MAGI1: variants seen among roughly 807,000 people sequenced by gnomAD.
MAGI1 encodes the protein membrane-associated guanylate kinase, WW and PDZ domain-containing protein 1.
A neutral mutation model predicts 139.9 loss-of-function variants in MAGI1; 58 were observed. That is an observed-to-expected ratio of 0.41 (90% CI 0.34 to 0.52). The LOEUF (loss-of-function observed/expected upper bound fraction) is 0.52. Ranked by LOEUF, MAGI1 falls within the 20% of genes least tolerant of loss-of-function variation. The pLI, the probability that MAGI1 is intolerant of heterozygous loss-of-function variation, is 0.12. For missense variants in MAGI1, 1,874 were observed against 1,901.6 expected, an observed-to-expected ratio of 0.99 and a Z score of 0.27; for synonymous variants, 812 against 737.9, an observed-to-expected ratio of 1.10 and a Z score of -1.63.
At position 65,445,827 on chromosome 3, in the gene MAGI1, C is replaced by T. The variant is rs567316858; in HGVS notation, c.1078+2195G>A. On this transcript the variant is annotated intron_variant, in intron 7 of 22. Coordinates refer to ENST00000402939, the MANE Select transcript of MAGI1 (RefSeq NM_001033057.2). ...GTCCAATACCCAAGCCAACTGCCCA[C>T]GCCTCTCAGAGGCCGATTACAAAGA... Among the ~76,000 whole-genome samples, 7 of 152,314 alleles carry T rather than the reference C, an allele frequency of 4.6e-5. No individual in the cohort carries two copies. In the South Asian group the frequency reaches 1.5e-3, roughly 32 times the overall value.
At chr3:65,767,196 T>G (rs2037557429) in intron 1 of MAGI1, among the ~76,000 whole-genome samples, 1 of 152,160 alleles carries the variant, frequency 6.6e-6, no homozygotes, top group South Asian at 2.1e-4. Flanking sequence ...CACATTTAAC[T>G]TACCTGCCTG....
In MAGI1 at chr3:65,696,197, G is replaced by A. The variant is rs1427207612; in HGVS notation, c.314-74109C>T. Among the ~76,000 whole-genome samples, 5 of 151,976 alleles carry A rather than the reference G, an allele frequency of 3.3e-5. No individual in the cohort carries two copies. In the South Asian group the frequency reaches 6.2e-4, roughly 19 times the overall value. On this transcript the variant is annotated intron_variant, in intron 1 of 22. Coordinates refer to ENST00000402939, the MANE Select transcript of MAGI1 (RefSeq NM_001033057.2). Reference sequence around the variant, plus strand: ...ATCCCCCTTCCCTAACTTTCTGCAGGTACCTATTCAACTCACCTTATCAAG... The same window carrying A: ...ATCCCCCTTCCCTAACTTTCTGCAGATACCTATTCAACTCACCTTATCAAG...
chr3:65,507,966 C>A (rs1050958071), intron 2 of MAGI1, among the ~76,000 whole-genome samples: 1 of 151,912 alleles, frequency 6.6e-6, no homozygotes, highest in Non-Finnish European at 1.5e-5. Flanking sequence ...TTGGAAAATG[C>A]AGACAGTGAG....
chr3:65,595,477 G>A (rs2082147788), intron 2 of MAGI1, among the ~76,000 whole-genome samples: 1 of 152,104 alleles, frequency 6.6e-6, no homozygotes, highest in Non-Finnish European at 1.5e-5. Context: ...CTCACAAATT[G>A]CCTCTTCTGG....
intron 1 of MAGI1, among the ~76,000 whole-genome samples, chr3:65,906,139 C>T (rs1054805563): frequency 6.6e-6 from 1 of 152,140 alleles, no homozygotes; most frequent in African/African-American, 2.4e-5. Context: ...TATGAAGGCA[C>T]ATCTTGAAAA....
intron 1 of MAGI1, among the ~76,000 whole-genome samples, chr3:65,693,438 T>G (rs903494482): frequency 3.3e-5 from 5 of 152,178 alleles, no homozygotes; most frequent in Non-Finnish European, 7.3e-5. Context: ...CCAAGGCACC[T>G]GGACCATAAA....
At chr3:65,773,056 A>G (rs2038083803) in intron 1 of MAGI1, among the ~76,000 whole-genome samples, 1 of 152,190 alleles carries the variant, frequency 6.6e-6, no homozygotes. Context: ...GTAAATGGCA[A>G]AAAAACTCTA....
Position 65,444,636 on chromosome 3 carries a change from C to T in MAGI1, c.1079-1787G>A, listed in dbSNP as rs74952586. ...GTGTTAGGCACCAGGGACACAAAGA[C>T]AAACGCAAGTGCATCATCTAAGCAG... is the stretch of plus-strand genomic sequence containing the variant. On this transcript the variant is annotated intron_variant, in intron 7 of 22. Coordinates refer to ENST00000402939, the MANE Select transcript of MAGI1 (RefSeq NM_001033057.2). 9.1e-3 allele frequency among the ~76,000 whole-genome samples: 1,387 copies of T among 152,202 alleles called. 17 individuals carry two copies. The highest frequency in any genetic ancestry group is 0.03 in the African/African-American group (1,254 of 41,538).
At chr3:65,789,316 C>A (rs966342279) in intron 1 of MAGI1, among the ~76,000 whole-genome samples, 2 of 152,104 alleles carry the variant, frequency 1.3e-5, no homozygotes, top group Non-Finnish European at 2.9e-5. Flanking sequence ...CCCACCACTC[C>A]CAAAGGATGC....
At chr3:65,825,696 T>C (rs115960213) in intron 1 of MAGI1, among the ~76,000 whole-genome samples, 2,327 of 152,282 alleles carry the variant, frequency 0.015, 63 homozygotes, top group African/African-American at 0.049. Flanking sequence ...GTTAAAAATA[T>C]AGATAATTTT....
Position 65,356,809 on chromosome 3 carries a change from T to A in MAGI1, c.3958A>T (p.Arg1320Trp), listed in dbSNP as rs1002151775. Residue 1320 changes from arginine to tryptophan, a missense_variant, in exon 23 of 23, where the codon AGG becomes TGG. By Grantham distance (101) the Arg-to-Trp change is moderately radical (BLOSUM62 -3). Around this residue, in one of 5 missense-constraint regions of MAGI1, gnomAD observed 653 missense variants for 644.5 expected, o/e 1.01. Coordinates refer to ENST00000402939, the MANE Select transcript of MAGI1 (RefSeq NM_001033057.2). ...ERAAAANGPK[R>W]RSPEKRREGT... is the part of the protein sequence containing the mutation. ...TCCCTCCGCTTCTCTGGGGACCGCC[T>A]CTTGGGGCCGTTGGCGGCTGCCGCG... 1 of 1,611,770 alleles carries A rather than the reference T, an allele frequency of 6.2e-7. No homozygotes were observed. The highest frequency in any genetic ancestry group is 8.5e-7 in the Non-Finnish European group (1 of 1,178,538).
Position 65,470,459 on chromosome 3 carries a change from G to A in MAGI1, c.783C>T (p.His261=), listed in dbSNP as rs764628695. Residue 261 remains histidine, a synonymous_variant, in exon 5 of 23, where the codon CAC becomes CAT. Coordinates refer to ENST00000402939, the MANE Select transcript of MAGI1 (RefSeq NM_001033057.2). ...GTGGTAATGCTGTTTCTTGGAGAGT[G>A]TGCTCCTCTTGTTCACCAGAATCGG... The part of the protein sequence containing the change: ...FTADSGEQEE[H]TLQETALPPV... 6.2e-7 allele frequency: 1 copy of A among 1,612,992 alleles called. No individual in the cohort carries two copies. Among genetic ancestry groups the A allele is most frequent in the Non-Finnish European group, 8.5e-7 (1 of 1,179,682 alleles).
intron 2 of MAGI1, among the ~76,000 whole-genome samples, chr3:65,605,072 C>T (rs564413575): frequency 4.6e-5 from 7 of 152,290 alleles, no homozygotes; most frequent in South Asian, 2.1e-4. Flanking sequence ...AACCATTCTA[C>T]GACAGCTCTA....
chr3:65,951,796 T>C (rs1560048183), intron 1 of MAGI1, among the ~76,000 whole-genome samples: 2 of 152,242 alleles, frequency 1.3e-5, no homozygotes, highest in Admixed American at 6.5e-5. Context: ...TGATGACTAT[T>C]ATTACCTCAG....
intron 6 of MAGI1, 40 bp downstream of exon 6, chr3:65,453,218 C>T: frequency 6.4e-7 from 1 of 1,560,914 alleles, no homozygotes; most frequent in Non-Finnish European, 8.8e-7. Flanking sequence ...GTGAACAGTG[C>T]CCCCAATTCA....
intron 12 of MAGI1, among the ~76,000 whole-genome samples, chr3:65,428,332 A>T (rs907392727): frequency 2.6e-5 from 4 of 152,192 alleles, no homozygotes; most frequent in African/African-American, 9.7e-5. Flanking sequence ...CTAATCACAT[A>T]TAAGTATATA....
intron 4 of MAGI1, among the ~76,000 whole-genome samples, chr3:65,475,274 T>C (rs1380861803): frequency 2.0e-5 from 3 of 152,236 alleles, no homozygotes; most frequent in Non-Finnish European, 4.4e-5. Context: ...AGTACAATGG[T>C]GCAGCCTCGG....
At chr3:65,774,706 G>A (rs2038226120) in intron 1 of MAGI1, among the ~76,000 whole-genome samples, 1 of 152,142 alleles carries the variant, frequency 6.6e-6, no homozygotes, top group Non-Finnish European at 1.5e-5. Context: ...TGATGAACAA[G>A]TACATGGAAC....
At chr3:66,023,539 A>C (rs1486919569) in intron 1 of MAGI1, among the ~76,000 whole-genome samples, 1 of 152,204 alleles carries the variant, frequency 6.6e-6, no homozygotes, top group Non-Finnish European at 1.5e-5. Context: ...GTTTGCAAAA[A>C]ACAAAAAACA....
Sources: allele counts gnomAD v4.1 joint callset (sites outside exome capture counted in the v4.1 genomes callset), GRCh38; gene constraint gnomAD v4.1.1; regional missense constraint gnomAD v4.1.1; transcripts MANE v1.5; gene names NCBI Gene and HGNC (gene_info 2026-07-23, HGNC 2026-07-21).